The following FBXL7 variants were observed in gnomAD, a reference collection of about 807,000 sequenced individuals.
The protein encoded by FBXL7 is F-box and leucine rich repeat protein 7.
A neutral mutation model predicts 38.3 loss-of-function variants in FBXL7; 12 were observed. The ratio of observed to expected loss-of-function variants is 0.31; its 90% CI spans 0.20 to 0.51. The LOEUF (loss-of-function observed/expected upper bound fraction) is 0.51, where lower values mean the gene tolerates loss of function less well. Among genes scored for constraint, FBXL7 ranks in the 20% least tolerant of loss-of-function variants. FBXL7 has a pLI of 0.98. For synonymous variants in FBXL7, 297 were observed against 300.9 expected, an observed-to-expected ratio of 0.99 and a Z score of 0.13; for missense variants, 567 against 676.4, an observed-to-expected ratio of 0.84 and a Z score of 1.79.
Position 15,936,472 on chromosome 5 carries a change from C to T in FBXL7, c.762C>T (p.Ile254=). 1 of 1,613,144 alleles carries T rather than the reference C, an allele frequency of 6.2e-7. No individual in the cohort carries two copies. The highest frequency in any genetic ancestry group is 8.5e-7 in the Non-Finnish European group (1 of 1,179,850). Residue 254 remains isoleucine (I), a synonymous_variant, in exon 4 of 4, where the codon ATC becomes ATT. Coordinates refer to ENST00000504595, the MANE Select transcript of FBXL7 (RefSeq NM_012304.5). The surrounding 1 kb of genome is among the most constrained non-coding windows in gnomAD (Gnocchi z 6.0). ...DVSGCSKVTC[I]SLTREASIKL... ...CAGGATGCTCCAAAGTGACCTGCAT[C>T]AGCTTGACCCGGGAGGCCTCCATTA...
At chr5:15,698,909 T>C (rs1480838812) in intron 2 of FBXL7, among the ~76,000 whole-genome samples, 1 of 152,236 alleles carries the variant, frequency 6.6e-6, no homozygotes, top group African/African-American at 2.4e-5. Context: ...CTCTTAGCTA[T>C]GCAGATGCTC....
intron 2 of FBXL7, among the ~76,000 whole-genome samples, chr5:15,921,148 G>A (rs1482601248): frequency 3.9e-5 from 6 of 152,046 alleles, no homozygotes; most frequent in African/African-American, 9.7e-5. Context: ...TTGGGAGGCC[G>A]AGGCAGGCAG....
At chr5:15,933,640 T>C (rs1416819807) in intron 3 of FBXL7, among the ~76,000 whole-genome samples, 1 of 152,208 alleles carries the variant, frequency 6.6e-6, no homozygotes, top group African/African-American at 2.4e-5. Context: ...TTGTTCTCCA[T>C]TTTTGGAGTG....
At position 15,628,540 on chromosome 5, in the gene FBXL7, A is replaced by G. The variant is rs550868963; in HGVS notation, c.127+12468A>G. On this transcript the variant is annotated intron_variant, in intron 2 of 3. Transcript: ENST00000504595. ...TTAGGGCTGAATTTTGAGATTGTTC[A>G]TTTGCCTTTTGTGTTGTCACCTGAC... is the stretch of plus-strand genomic sequence containing the variant. 2.0e-5 allele frequency among the ~76,000 whole-genome samples: 3 copies of G among 152,230 alleles called. No homozygotes were observed. The East Asian group carries it at 5.8e-4, about 29-fold the overall frequency.
chr5:15,575,138 C>T (rs1383416488), intron 1 of FBXL7, among the ~76,000 whole-genome samples: 1 of 152,118 alleles, frequency 6.6e-6, no homozygotes, highest in Non-Finnish European at 1.5e-5. Context: ...AACAAAGAAT[C>T]ATCCGGTCTG....
chr5:15,731,381 C>T (rs1004330038), intron 2 of FBXL7, among the ~76,000 whole-genome samples: 2 of 152,098 alleles, frequency 1.3e-5, no homozygotes, highest in African/African-American at 4.8e-5. Flanking sequence ...GAGAAACTCC[C>T]ATTTTTAAAA....
chr5:15,665,881 A>G (rs1004107690), intron 2 of FBXL7, among the ~76,000 whole-genome samples: 1 of 152,174 alleles, frequency 6.6e-6, no homozygotes, highest in Non-Finnish European at 1.5e-5. Context: ...AAAGTTTTAT[A>G]TCATTTTAAA....
At chr5:15,594,030 C>T (rs1739550372) in intron 1 of FBXL7, among the ~76,000 whole-genome samples, 1 of 152,190 alleles carries the variant, frequency 6.6e-6, no homozygotes, top group South Asian at 2.1e-4. Flanking sequence ...ATTCATTCTA[C>T]TCATTTCTTT....
intron 2 of FBXL7, among the ~76,000 whole-genome samples, chr5:15,812,476 G>T (rs1737893075): frequency 6.6e-6 from 1 of 152,134 alleles, no homozygotes; most frequent in Non-Finnish European, 1.5e-5. Context: ...TGCGCATTCT[G>T]CACATGTATC....
chr5:15,826,752 C>G (rs1192859731), intron 2 of FBXL7, among the ~76,000 whole-genome samples: 1 of 152,130 alleles, frequency 6.6e-6, no homozygotes, highest in African/African-American at 2.4e-5. Flanking sequence ...TGTCTTTGCT[C>G]CATGCAACAT....
At chr5:15,922,048 T>C (rs936474439) in intron 2 of FBXL7, among the ~76,000 whole-genome samples, 3 of 152,138 alleles carry the variant, frequency 2.0e-5, no homozygotes, top group African/African-American at 7.2e-5. Flanking sequence ...TACAGCACTG[T>C]TCACAACAGC....
chr5:15,562,431 T>C (rs1738439010), intron 1 of FBXL7, among the ~76,000 whole-genome samples: 1 of 152,108 alleles, frequency 6.6e-6, no homozygotes, highest in Non-Finnish European at 1.5e-5. Flanking sequence ...GAAACCTGTT[T>C]ATAAAATCAG....
At chr5:15,794,610 TG>T (rs1737366839) in intron 2 of FBXL7, among the ~76,000 whole-genome samples, 1 of 152,134 alleles carries the variant, frequency 6.6e-6, no homozygotes, top group Non-Finnish European at 1.5e-5. Flanking sequence ...GCCTTATAAA[TG>T]GGGTAGTGAA....
intron 2 of FBXL7, among the ~76,000 whole-genome samples, chr5:15,668,783 T>C (rs569194039): frequency 6.6e-6 from 1 of 152,208 alleles, no homozygotes. Context: ...CAGAACTCAG[T>C]TCTAACTTAT....
intron 2 of FBXL7, among the ~76,000 whole-genome samples, chr5:15,660,702 C>G (rs1030849196): frequency 3.3e-5 from 5 of 152,080 alleles, no homozygotes; most frequent in Non-Finnish European, 7.4e-5. Flanking sequence ...ATTTATCTCT[C>G]CAGACTCCCA....
chr5:15,764,341 AAATGCAAGTATAGAGAG>A (rs1736529329), intron 2 of FBXL7, among the ~76,000 whole-genome samples: 1 of 152,242 alleles, frequency 6.6e-6, no homozygotes, highest in South Asian at 2.1e-4. Context: ...GATTAAATGA[AAATGCAAGTATAGAGAG>A]ATGTGTTTTC....
chr5:15,887,285 T>C (rs1740717079), intron 2 of FBXL7, among the ~76,000 whole-genome samples: 1 of 152,030 alleles, frequency 6.6e-6, no homozygotes, highest in African/African-American at 2.4e-5. Context: ...AAGAGCAGGC[T>C]CTGGGAATTT....
chr5:15,868,036 G>A lies in FBXL7; in HGVS notation c.128-59854G>A, dbSNP rs373487232. Among the ~76,000 whole-genome samples, 24 of 151,840 alleles carry A rather than the reference G, an allele frequency of 1.6e-4. No individual in the cohort carries two copies. The South Asian group carries it at 4.6e-3, about 29-fold the overall frequency. On this transcript the variant is annotated intron_variant, in intron 2 of 3. Coordinates refer to ENST00000504595, the MANE Select transcript of FBXL7 (RefSeq NM_012304.5). ...GGAGAATCACTTGAACCCGGGAGGC[G>A]GAGGTTGCGGTGAGCTGAGATTGCG...
At chr5:15,528,864 G>A (rs974948998) in intron 1 of FBXL7, among the ~76,000 whole-genome samples, 2 of 152,162 alleles carry the variant, frequency 1.3e-5, no homozygotes, top group African/African-American at 4.8e-5. Flanking sequence ...TTTGAAATAT[G>A]TGTAAGTTGT....
Sources: allele counts gnomAD v4.1 joint callset (sites outside exome capture counted in the v4.1 genomes callset), GRCh38; gene constraint gnomAD v4.1.1; non-coding constraint Gnocchi (gnomAD v3.1); transcripts MANE v1.5; gene names NCBI Gene and HGNC (gene_info 2026-07-23, HGNC 2026-07-21).